TRPM3: variants seen among roughly 807,000 people sequenced by gnomAD.
TRPM3 encodes transient receptor potential cation channel subfamily M member 3.
Under a neutral mutation model 181.2 loss-of-function variants are expected in TRPM3, and 77 were observed. That is an observed-to-expected ratio of 0.42 (90% CI 0.35 to 0.51). The LOEUF (loss-of-function observed/expected upper bound fraction) is 0.51. Ranked by LOEUF, TRPM3 falls within the 20% of genes least tolerant of loss-of-function variation. The pLI is 0.01. For missense variants in TRPM3, 1,759 were observed against 2,196.7 expected (o/e 0.80, Z 3.98); for synonymous variants, 745 against 796.4 (o/e 0.94, Z 1.09).
At chr9:70,879,054 A>G (rs1354114751) in intron 1 of TRPM3, among the ~76,000 whole-genome samples, 1 of 152,136 alleles carries the variant, frequency 6.6e-6, no homozygotes, top group Non-Finnish European at 1.5e-5. Context: ...GGACCTCATC[A>G]TACACCTGTG....
rs780506165 is a variant in TRPM3 at position 70,598,547 on chromosome 9, C to T, written c.2920G>A (p.Asp974Asn). Residue 974 changes from aspartate (D) to asparagine (N), a missense_variant, in exon 21 of 26, where the codon GAC becomes AAC. Physicochemically the swap from Asp to Asn is conservative, Grantham distance 23. Transcript: ENST00000677713. Reference sequence around the variant, plus strand: ...CTCCCGTCACTCCTGAAGGGCTGGTCTTGGAGACGAAGGATCATTCCGACA... The same window carrying T: ...CTCCCGTCACTCCTGAAGGGCTGGTTTTGGAGACGAAGGATCATTCCGACA... ...FSVGMILRLQ[D>N]QPFRSDGRVI... 1 of 1,614,178 alleles carries T rather than the reference C, an allele frequency of 6.2e-7. No individual in the cohort carries two copies. Among genetic ancestry groups the T allele is most frequent in the Non-Finnish European group, 8.5e-7 (1 of 1,180,042 alleles).
chr9:71,224,812 C>T (rs1388105608), intron 1 of TRPM3, among the ~76,000 whole-genome samples: 1 of 151,736 alleles, frequency 6.6e-6, no homozygotes, highest in Non-Finnish European at 1.5e-5. Flanking sequence ...AAGAAAAATG[C>T]AACTGGCATA....
At chr9:70,544,619 A>G (rs1375037825) in intron 25 of TRPM3, among the ~76,000 whole-genome samples, 2 of 152,102 alleles carry the variant, frequency 1.3e-5, no homozygotes, top group African/African-American at 4.8e-5. Flanking sequence ...TTGGGGAACC[A>G]TGTCTAAGAT....
At chr9:70,586,953 T>C (rs1487769339) in intron 22 of TRPM3, among the ~76,000 whole-genome samples, 5 of 152,064 alleles carry the variant, frequency 3.3e-5, no homozygotes, top group Non-Finnish European at 5.9e-5. Context: ...AACAACACTT[T>C]AAATTCAGTC....
intron 1 of TRPM3, among the ~76,000 whole-genome samples, chr9:71,023,870 A>T (rs1481961754): frequency 6.6e-6 from 1 of 152,196 alleles, no homozygotes; most frequent in Non-Finnish European, 1.5e-5. Context: ...AGTTATAAAA[A>T]GCGTGACCCA....
chr9:71,391,454 T>C (rs1194616576), intron 1 of TRPM3, among the ~76,000 whole-genome samples: 2 of 152,046 alleles, frequency 1.3e-5, no homozygotes, highest in African/African-American at 4.8e-5. Flanking sequence ...CTCAACAAAA[T>C]AGTGATTTTT....
intron 11 of TRPM3, 124 bp downstream of exon 11, chr9:70,638,936 T>A (rs981507949): frequency 1.2e-4 from 133 of 1,115,366 alleles, no homozygotes; most frequent in Admixed American, 2.3e-5. Context: ...AAGGGAGTAT[T>A]TGTGATGAAT....
rs185907598 is a variant in TRPM3 at position 71,155,917 on chromosome 9, G to C, written c.183+290736C>G. On this transcript the variant is annotated intron_variant, in intron 1 of 24. Transcript: ENST00000357533. Reference sequence around the variant, plus strand: ...TGAATACAGAGAAGAAATCACCCAGGGAAAGTGTCAAGTATAGGCCAGTTA... The same window carrying C: ...TGAATACAGAGAAGAAATCACCCAGCGAAAGTGTCAAGTATAGGCCAGTTA... Among the ~76,000 whole-genome samples, 3 of 152,170 alleles carry C rather than the reference G, an allele frequency of 2.0e-5. No individual in the cohort carries two copies. In the East Asian group the frequency reaches 5.8e-4, roughly 29 times the overall value.
chr9:71,225,583 T>C (rs1252756730), intron 1 of TRPM3, among the ~76,000 whole-genome samples: 2 of 152,144 alleles, frequency 1.3e-5, no homozygotes, highest in Non-Finnish European at 2.9e-5. Context: ...CACAGAATAG[T>C]GTAACTCTAT....
At chr9:71,126,996 T>A (rs545766229) in intron 1 of TRPM3, among the ~76,000 whole-genome samples, 1 of 152,116 alleles carries the variant, frequency 6.6e-6, no homozygotes, top group Non-Finnish European at 1.5e-5. Flanking sequence ...CCACTCACAC[T>A]TCCTCTTCTT....
intron 6 of TRPM3, among the ~76,000 whole-genome samples, chr9:70,818,808 G>A (rs1200429913): frequency 6.6e-6 from 1 of 152,190 alleles, no homozygotes; most frequent in Non-Finnish European, 1.5e-5. Flanking sequence ...ATCTGGGAGA[G>A]AACAGGTTTA....
chr9:70,571,721 C>A (rs1447180351), intron 22 of TRPM3, among the ~76,000 whole-genome samples: 2 of 152,134 alleles, frequency 1.3e-5, no homozygotes, highest in Non-Finnish European at 2.9e-5. Flanking sequence ...GTATTATTCA[C>A]AACACATGTA....
At position 70,548,420 on chromosome 9, in the gene TRPM3, A is replaced by C. The variant is rs545766128; in HGVS notation, c.3707+1122T>G. 2.0e-5 allele frequency among the ~76,000 whole-genome samples: 3 copies of C among 152,338 alleles called. No individual in the cohort carries two copies. In the South Asian group the frequency reaches 6.2e-4, roughly 32 times the overall value. On this transcript the variant is annotated intron_variant, in intron 25 of 25. Transcript: ENST00000677713. ...TACTTACATAGACTGAATTCTTCAA[A>C]GAAATAAAGGGCCAGGGACAAAATA...
intron 1 of TRPM3, among the ~76,000 whole-genome samples, chr9:71,284,712 T>G (rs1368101845): frequency 6.6e-6 from 1 of 152,238 alleles, no homozygotes; most frequent in South Asian, 2.1e-4. Context: ...TTCACTAACA[T>G]TTACTAACTT....
At chr9:71,312,702 G>T (rs2088085526) in intron 1 of TRPM3, among the ~76,000 whole-genome samples, 1 of 152,058 alleles carries the variant, frequency 6.6e-6, no homozygotes, top group Non-Finnish European at 1.5e-5. Flanking sequence ...CTAGATAATG[G>T]AATATTATTC....
intron 1 of TRPM3, among the ~76,000 whole-genome samples, chr9:71,310,051 C>T (rs945247938): frequency 3.3e-5 from 5 of 151,952 alleles, no homozygotes; most frequent in Admixed American, 2.0e-4. Flanking sequence ...TATTTGTAAA[C>T]TATCTAAATA....
chr9:71,112,253 A>G (rs1187689108), intron 1 of TRPM3, among the ~76,000 whole-genome samples: 1 of 152,200 alleles, frequency 6.6e-6, no homozygotes, highest in Non-Finnish European at 1.5e-5. Flanking sequence ...CATATGTTAG[A>G]TCACCATATT....
At position 70,591,120 on chromosome 9, in the gene TRPM3, T is replaced by A; in HGVS notation, c.3134A>T (p.Asn1045Ile). The change falls in exon 22 of 26, where the codon AAT becomes ATT. Residue 1045 changes from asparagine (N) to isoleucine (I), a missense_variant. By Grantham distance (149) the Asn-to-Ile change is moderately radical. Transcript: ENST00000677713. ...GVARQAILFP[N>I]EEPSWKLAKN... ...GGCCAGTTTCCATGATGGCTCCTCA[T>A]TGGGAAAAAGGATGGCTTGCCTGGC... is the stretch of plus-strand genomic sequence containing the variant. 1 of 1,614,080 alleles carries A rather than the reference T, an allele frequency of 6.2e-7. No homozygotes were observed. Among genetic ancestry groups the A allele is most frequent in the African/African-American group, 1.3e-5 (1 of 75,002 alleles).
intron 6 of TRPM3, among the ~76,000 whole-genome samples, chr9:70,808,617 C>T (rs1208323533): frequency 1.3e-5 from 2 of 152,132 alleles, no homozygotes; most frequent in South Asian, 4.1e-4. Context: ...TGTGTCAAGT[C>T]GTTTCATATA....
Sources: allele counts gnomAD v4.1 joint callset (sites outside exome capture counted in the v4.1 genomes callset), GRCh38; gene constraint gnomAD v4.1.1; transcripts MANE v1.5; gene names NCBI Gene and HGNC (gene_info 2026-07-23, HGNC 2026-07-21).